The following DTNB variants were observed in gnomAD, a reference collection of about 807,000 sequenced individuals.
The protein encoded by DTNB is dystrobrevin beta, also known as DTN-B.
DTNB carries 63 observed loss-of-function variants against 90.7 expected under a neutral mutation model. The ratio of observed to expected loss-of-function variants is 0.69; its 90% CI spans 0.57 to 0.86. The LOEUF (loss-of-function observed/expected upper bound fraction) is 0.86, where lower values mean the gene tolerates loss of function less well. Ranked by LOEUF, DTNB falls within the 40% of genes least tolerant of loss-of-function variation. The probability of loss-of-function intolerance (pLI) is 0.00; values close to 1 mark genes in which losing one functional copy is unlikely to be tolerated. For synonymous variants in DTNB, 277 were observed against 286.7 expected (o/e 0.97, Z 0.34); for missense variants, 744 against 807.1 (o/e 0.92, Z 0.95).
chr2:25,563,701 GA>G (rs2058586806), intron 8 of DTNB, among the ~76,000 whole-genome samples: 1 of 152,114 alleles, frequency 6.6e-6, no homozygotes, highest in Non-Finnish European at 1.5e-5. Context: ...ACCATATTTT[GA>G]AAAGACTATT....
intron 10 of DTNB, among the ~76,000 whole-genome samples, chr2:25,471,729 G>A (rs1408419901): frequency 1.3e-5 from 2 of 152,026 alleles, no homozygotes; most frequent in East Asian, 3.9e-4. Flanking sequence ...CCAAATAAAT[G>A]TCATATTGAA....
chr2:25,380,249 C>G (rs1461708167), intron 19 of DTNB, among the ~76,000 whole-genome samples: 1 of 152,212 alleles, frequency 6.6e-6, no homozygotes, highest in Non-Finnish European at 1.5e-5. Flanking sequence ...TATACTCTCT[C>G]TCTTTACGGT....
intron 15 of DTNB, among the ~76,000 whole-genome samples, chr2:25,422,403 T>C (rs1328553305): frequency 1.5e-5 from 2 of 131,928 alleles, no homozygotes; most frequent in African/African-American, 2.9e-5. Flanking sequence ...TTCTTTTTTT[T>C]TTTTTTTTTT....
intron 10 of DTNB, among the ~76,000 whole-genome samples, chr2:25,478,003 G>T (rs1410688020): frequency 4.9e-5 from 6 of 122,210 alleles, no homozygotes; most frequent in African/African-American, 9.3e-5. Context: ...CTTTGTTCTT[G>T]TGAGTTTTTA....
rs190261696 is a variant in DTNB at position 25,546,344 on chromosome 2, A to G, written c.877-14747T>C. On this transcript the variant is annotated intron_variant, in intron 8 of 20. Transcript: ENST00000406818. ...CTCCCCAGTGTGCAAACTGTTCACT[A>G]GAATAAAATCTTTTTCCTCTAAACT... Among the ~76,000 whole-genome samples the G allele has an allele frequency of 2.0e-5, 3 of 152,380 alleles. No individual in the cohort carries two copies. In the East Asian group the frequency reaches 5.8e-4, roughly 29 times the overall value.
intron 16 of DTNB, among the ~76,000 whole-genome samples, chr2:25,389,733 C>T (rs1041722764): frequency 3.9e-5 from 6 of 152,106 alleles, no homozygotes; most frequent in Non-Finnish European, 7.4e-5. Context: ...ACAGAATTGG[C>T]CCTGAACAGG....
intron 8 of DTNB, among the ~76,000 whole-genome samples, chr2:25,543,132 G>C (rs2081638458): frequency 6.6e-6 from 1 of 151,968 alleles, no homozygotes; most frequent in East Asian, 1.9e-4. Context: ...TAACCTCTCT[G>C]GTAAAGATTT....
Position 25,387,672 on chromosome 2 carries a change from C to G in DTNB, c.1736-294G>C, listed in dbSNP as rs1326251868. Among the ~76,000 whole-genome samples, 1 of 152,184 alleles carries G rather than the reference C, an allele frequency of 6.6e-6. No individual in the cohort carries two copies. Among genetic ancestry groups the G allele is most frequent in the Non-Finnish European group, 1.5e-5 (1 of 68,028 alleles). ...TCCAGAATAAGCATTCCACCGAGGT[C>G]TTCCTCAGCCTTGTGGGGGTGGGGC... On this transcript the variant is annotated intron_variant, in intron 17 of 20. Coordinates refer to ENST00000406818, the MANE Select transcript of DTNB (RefSeq NM_021907.5). This position sits in a 1 kb window ranked among gnomAD's most constrained non-coding sequence, Gnocchi z 4.5.
chr2:25,670,342 T>G (rs2085533169), intron 1 of DTNB, among the ~76,000 whole-genome samples: 1 of 152,064 alleles, frequency 6.6e-6, no homozygotes, highest in Non-Finnish European at 1.5e-5. Context: ...TTTCTGTGAG[T>G]AGGTCAAGGG....
intron 12 of DTNB, among the ~76,000 whole-genome samples, chr2:25,445,998 C>T (rs1288911515): frequency 1.4e-5 from 2 of 147,816 alleles, no homozygotes; most frequent in Non-Finnish European, 1.5e-5. Flanking sequence ...CTAGCTAATA[C>T]ATGCAAAGCA....
intron 4 of DTNB, 37 bp from the exon 5 acceptor site, chr2:25,607,358 GA>G: frequency 6.4e-7 from 1 of 1,552,946 alleles, no homozygotes; most frequent in Non-Finnish European, 8.7e-7. Context: ...ATTGCTATCT[GA>G]AACCACAAAA....
At chr2:25,564,407 GTC>G (rs538606699) in intron 8 of DTNB, among the ~76,000 whole-genome samples, 1 of 151,914 alleles carries the variant, frequency 6.6e-6, no homozygotes, top group Admixed American at 6.6e-5. Context: ...TTGAGATGGA[GTC>G]TCTCTCTGTC....
chr2:25,611,488 G>A (rs987634878), intron 4 of DTNB, among the ~76,000 whole-genome samples: 3 of 152,128 alleles, frequency 2.0e-5, no homozygotes, highest in African/African-American at 4.8e-5. Flanking sequence ...CAAAATCCAC[G>A]GATATTCAAG....
intron 9 of DTNB, among the ~76,000 whole-genome samples, chr2:25,508,106 ACTT>A (rs780244210): frequency 1.3e-5 from 2 of 152,312 alleles, no homozygotes; most frequent in Non-Finnish European, 2.9e-5. Flanking sequence ...TCTATATAGC[ACTT>A]ATTACCTTCT....
rs1382243309 is a variant in DTNB at position 25,531,588 on chromosome 2, CAGG to C, written c.883_885del (p.Pro295del). ...CTAATTGCATGGCTCAGCTTCTTTG[CAGG>C]AGATTTCTGTGTCAAAGCAGAAAAT... On this transcript the variant is annotated inframe_deletion, in exon 9 of 21. Transcript: ENST00000406818. 4 of 1,613,458 alleles carry C rather than the reference CAGG, an allele frequency of 2.5e-6. No individual in the cohort carries two copies. The highest frequency in any genetic ancestry group is 3.3e-5 in the Admixed American group (2 of 59,844).
chr2:25,459,611 A>G (rs975780222), intron 10 of DTNB, among the ~76,000 whole-genome samples: 1 of 152,126 alleles, frequency 6.6e-6, no homozygotes, highest in African/African-American at 2.4e-5. Flanking sequence ...CTCCTGCCTC[A>G]GCCTCCTGAG....
intron 9 of DTNB, among the ~76,000 whole-genome samples, chr2:25,530,124 C>T (rs948191735): frequency 1.3e-5 from 2 of 152,008 alleles, no homozygotes; most frequent in African/African-American, 4.8e-5. Flanking sequence ...TTCATTACAC[C>T]ACAAAAGTAA....
At chr2:25,455,270 C>A in intron 11 of DTNB, 135 bp downstream of exon 11, 1 of 789,620 alleles carries the variant, frequency 1.3e-6, no homozygotes, top group Non-Finnish European at 1.9e-6. Context: ...TATTTTAACT[C>A]TGCCAAACAT....
chr2:25,498,575 C>T lies in DTNB; in HGVS notation c.1002-15702G>A, dbSNP rs145965233. On this transcript the variant is annotated intron_variant, in intron 9 of 20. Coordinates refer to ENST00000406818, the MANE Select transcript of DTNB (RefSeq NM_021907.5). Reference sequence around the variant, plus strand: ...TTAATTACAGGAAAAAACTACAGACCGAGTGCAGTGGCTCACTGGGAGCAC... The same window carrying T: ...TTAATTACAGGAAAAAACTACAGACTGAGTGCAGTGGCTCACTGGGAGCAC... 6.8e-4 allele frequency among the ~76,000 whole-genome samples: 104 copies of T among 152,024 alleles called. 1 individual carries two copies. The East Asian group carries it at 0.019, about 28-fold the overall frequency.
Sources: allele counts gnomAD v4.1 joint callset (sites outside exome capture counted in the v4.1 genomes callset), GRCh38; gene constraint gnomAD v4.1.1; non-coding constraint Gnocchi (gnomAD v3.1); transcripts MANE v1.5; gene names NCBI Gene and HGNC (gene_info 2026-07-23, HGNC 2026-07-21).